The following SOS2 variants were observed in gnomAD, a reference collection of about 807,000 sequenced individuals.
SOS2 encodes the protein son of sevenless homolog 2.
SOS2 carries 65 observed loss-of-function variants against 148.2 expected under a neutral mutation model. The observed-to-expected ratio is 0.44, with a 90% CI of 0.36 to 0.54. SOS2 has a LOEUF of 0.54. Ranked by LOEUF, SOS2 falls within the 20% of genes least tolerant of loss-of-function variation. The pLI is 0.00. For synonymous variants in SOS2, 539 were observed against 537.1 expected (o/e 1.00, Z -0.05); for missense variants, 1,341 against 1,590.2 (o/e 0.84, Z 2.67).
At chr14:50,143,839 T>G (rs1884375939) in intron 16 of SOS2, among the ~76,000 whole-genome samples, 1 of 149,868 alleles carries the variant, frequency 6.7e-6, no homozygotes. Flanking sequence ...TTTTTTTTTT[T>G]GTAGAGATGT....
intron 4 of SOS2, among the ~76,000 whole-genome samples, chr14:50,198,866 C>T (rs984668865): frequency 6.6e-6 from 1 of 152,186 alleles, no homozygotes; most frequent in South Asian, 2.1e-4. Flanking sequence ...TGTTATTCAG[C>T]GTTATAGCTT....
intron 16 of SOS2, among the ~76,000 whole-genome samples, chr14:50,142,304 G>T (rs373640743): frequency 6.6e-6 from 1 of 151,882 alleles, no homozygotes; most frequent in Non-Finnish European, 1.5e-5. Flanking sequence ...CACTGCCCCC[G>T]GCCTATTTCA....
At chr14:50,200,672 C>T (rs530442074) in intron 3 of SOS2, among the ~76,000 whole-genome samples, 30 of 151,532 alleles carry the variant, frequency 2.0e-4, no homozygotes, top group African/African-American at 7.3e-4. Context: ...ACAGCAAGAC[C>T]CTGTCTCTAC....
At position 50,120,302 on chromosome 14, in the gene SOS2, CT is replaced by C; in HGVS notation, c.3461del (p.Lys1154SerfsTer13). ...LIPPPLPPRK[K>X]FDHDASNSKG... The stretch of plus-strand genomic sequence containing the variant: ...TGGAATTTGAAGCATCATGATCAAA[CT>C]TTTTTCGAGGAGGAAGAGGAGGAGG... On this transcript the variant is annotated frameshift_variant, in exon 22 of 23. Coordinates refer to ENST00000216373, the MANE Select transcript of SOS2 (RefSeq NM_006939.4). LOFTEE classifies it high-confidence loss of function. The C allele has an allele frequency of 1.2e-6, 2 of 1,602,396 alleles. No homozygotes were observed. The highest frequency in any genetic ancestry group is 1.1e-5 in the South Asian group (1 of 90,250).
At position 50,194,760 on chromosome 14, in the gene SOS2, A is replaced by G. The variant is rs546643454; in HGVS notation, c.510+4931T>C. On this transcript the variant is annotated intron_variant, in intron 4 of 22. Transcript: ENST00000216373. The stretch of plus-strand genomic sequence containing the variant: ...GCCACTGCGCTCCATACTGGGTGAC[A>G]GAGCAAGACTCTGTCTCAACAATAA... Among the ~76,000 whole-genome samples the G allele has an allele frequency of 6.0e-5, 9 of 150,362 alleles. No individual in the cohort carries two copies. In the South Asian group the frequency reaches 1.9e-3, roughly 32 times the overall value.
intron 8 of SOS2, among the ~76,000 whole-genome samples, chr14:50,173,515 G>A (rs943474944): frequency 4.0e-5 from 6 of 151,822 alleles, no homozygotes; most frequent in South Asian, 2.1e-4. Flanking sequence ...TCCGTCTCCC[G>A]GGTTCACACC....
intron 9 of SOS2, among the ~76,000 whole-genome samples, chr14:50,160,797 C>T (rs1215411807): frequency 2.0e-5 from 3 of 152,186 alleles, no homozygotes; most frequent in African/African-American, 7.2e-5. Context: ...CCCAGGAGTT[C>T]AAGACCAGCC....
chr14:50,136,497 C>T (rs1232538824), intron 18 of SOS2, among the ~76,000 whole-genome samples: 1 of 152,072 alleles, frequency 6.6e-6, no homozygotes, highest in Non-Finnish European at 1.5e-5. Context: ...CTCTCCGAAG[C>T]CCCACATCAC....
At chr14:50,178,067 GA>G (rs1885584420) in intron 7 of SOS2, among the ~76,000 whole-genome samples, 5 of 152,152 alleles carry the variant, frequency 3.3e-5, no homozygotes, top group Non-Finnish European at 5.9e-5. Flanking sequence ...AAGAGACTTA[GA>G]AGAAGAAATC....
At chr14:50,185,307 A>G (rs1001259962) in intron 5 of SOS2, among the ~76,000 whole-genome samples, 2 of 152,198 alleles carry the variant, frequency 1.3e-5, no homozygotes, top group African/African-American at 4.8e-5. Flanking sequence ...ATTATAGGAC[A>G]CCTAGTTGGT....
chr14:50,130,514 G>A lies in SOS2; in HGVS notation c.3324C>T (p.Leu1108=). ...SDLSVFLDVD[L]NSSCGSNSIF... Reference sequence around the variant, plus strand: ...TCAAATACTTACCACAGGAGCTGTTGAGATCCACATCTAAAAATACACTAA... The same window carrying A: ...TCAAATACTTACCACAGGAGCTGTTAAGATCCACATCTAAAAATACACTAA... The change falls in exon 20 of 23, where the codon CTC becomes CTT. Residue 1108 remains leucine (L), a synonymous_variant. Transcript: ENST00000216373. 1.2e-6 allele frequency: 2 copies of A among 1,613,792 alleles called. No homozygotes were observed. Among genetic ancestry groups the A allele is most frequent in the Non-Finnish European group, 1.7e-6 (2 of 1,179,766 alleles).
rs1887548537 is a variant in SOS2 at position 50,231,558 on chromosome 14, C to T, written c.-275G>A. 1 of 152,268 alleles carries T rather than the reference C, an allele frequency of 6.6e-6. No homozygotes were observed. Among genetic ancestry groups the T allele is most frequent in the Admixed American group, 6.6e-5 (1 of 15,216 alleles). 9.4% of individuals were successfully genotyped at this position (152,268 alleles called of 1,614,324 possible). A position where few individuals can be genotyped will look rare whatever the true frequency, so the allele number is the denominator to read the frequency against. Reference sequence around the variant, plus strand: ...GACCCCGGGCGGCGACCTCCTTTCCCGGCGGCGCTGGCCCGCTTCTGGGGC... The same window carrying T: ...GACCCCGGGCGGCGACCTCCTTTCCTGGCGGCGCTGGCCCGCTTCTGGGGC... On this transcript the variant is annotated 5_prime_UTR_variant, in exon 1 of 23. Coordinates refer to ENST00000216373, the MANE Select transcript of SOS2 (RefSeq NM_006939.4).
chr14:50,122,223 C>T (rs761183617), intron 21 of SOS2, among the ~76,000 whole-genome samples: 1 of 152,114 alleles, frequency 6.6e-6, no homozygotes, highest in East Asian at 1.9e-4. Flanking sequence ...TTTTTGGAAA[C>T]GCATTCTGTC....
chr14:50,213,172 G>A (rs557903068), intron 1 of SOS2, among the ~76,000 whole-genome samples: 2 of 152,270 alleles, frequency 1.3e-5, no homozygotes, highest in South Asian at 4.1e-4. Context: ...CAGGAATAAA[G>A]GTGACCAGTC....
intron 8 of SOS2, among the ~76,000 whole-genome samples, chr14:50,163,422 T>C (rs1321892858): frequency 1.3e-5 from 2 of 152,174 alleles, no homozygotes; most frequent in African/African-American, 2.4e-5. Context: ...TTACCTTTTA[T>C]TTATGTCTTA....
intron 1 of SOS2, among the ~76,000 whole-genome samples, chr14:50,214,237 A>G (rs1350902257): frequency 2.0e-5 from 3 of 152,146 alleles, no homozygotes; most frequent in Admixed American, 6.6e-5. Context: ...CATAGTAAGG[A>G]AAGACTACTC....
In SOS2 at chr14:50,133,975, C is replaced by T. The variant is rs1364817073; in HGVS notation, c.3075+148G>A. On this transcript the variant is annotated intron_variant, in intron 19 of 22. Transcript: ENST00000216373. ...ATTTTATCAAAAGGCTGACATTTCC[C>T]CCCCCAGTTTTAGAAATAGTATATT... is the stretch of plus-strand genomic sequence containing the variant. 4.8e-6 allele frequency: 3 copies of T among 629,932 alleles called. No individual in the cohort carries two copies. In the African/African-American group the frequency reaches 5.6e-5, roughly 12 times the overall value. The allele number at this position is 629,932 out of a possible 1,614,324, so 39.0% of individuals were successfully genotyped here.
chr14:50,218,070 G>T (rs1887086960), intron 1 of SOS2, among the ~76,000 whole-genome samples: 1 of 151,110 alleles, frequency 6.6e-6, no homozygotes, highest in Non-Finnish European at 1.5e-5. Flanking sequence ...GGCTGAGGCA[G>T]GATGATCATT....
Position 50,201,093 on chromosome 14 carries a change from T to C in SOS2, c.214-9A>G, listed in dbSNP as rs1183872275. The C allele has an allele frequency of 1.2e-6, 2 of 1,613,192 alleles. No individual in the cohort carries two copies. The highest frequency in any genetic ancestry group is 1.7e-6 in the Non-Finnish European group (2 of 1,179,440). ...GTCTTCTGAACTCGCTCCTGCTCAA[T>C]CACAGCAGAACCATTGTAGTATTAA... On this transcript the variant is annotated splice_polypyrimidine_tract_variant and intron_variant, in intron 2 of 22. Transcript: ENST00000216373.
Sources: allele counts gnomAD v4.1 joint callset (sites outside exome capture counted in the v4.1 genomes callset), GRCh38; gene constraint gnomAD v4.1.1; transcripts MANE v1.5; gene names NCBI Gene and HGNC (gene_info 2026-07-23, HGNC 2026-07-21).